CNTNAP2: variants seen among roughly 807,000 people sequenced by gnomAD.
CNTNAP2 encodes contactin-associated protein-like 2.
In CNTNAP2, 98 loss-of-function variants were observed where a neutral mutation model predicts 155.2. That is an observed-to-expected ratio of 0.63 (90% CI 0.54 to 0.75). The LOEUF (loss-of-function observed/expected upper bound fraction) is 0.75. Ranked by LOEUF, CNTNAP2 falls within the 30% of genes least tolerant of loss-of-function variation. CNTNAP2 has a pLI of 0.00. For synonymous variants in CNTNAP2, 651 were observed against 631.2 expected, an observed-to-expected ratio of 1.03 and a Z score of -0.47; for missense variants, 1,727 against 1,688.1, an observed-to-expected ratio of 1.02 and a Z score of -0.40.
Position 148,147,634 on chromosome 7 carries a change from C to A in CNTNAP2, c.2698C>A (p.Arg900=), listed in dbSNP as rs375318010. ...NVKQASLQVD[R]LPQQIRKAPT... is the part of the protein sequence containing the mutation. ...CAAGCAGGCCAGCCTACAGGTGGAC[C>A]GGCTACCGCAGCAGATCCGCAAGGC... Residue 900 remains arginine (R), a synonymous_variant, in exon 17 of 24, where the codon CGG becomes AGG. Coordinates refer to ENST00000361727, the MANE Select transcript of CNTNAP2 (RefSeq NM_014141.6). 1.2e-5 allele frequency: 20 copies of A among 1,614,040 alleles called. No individual in the cohort carries two copies. The highest frequency in any genetic ancestry group is 1.7e-4 in the Middle Eastern group (1 of 6,058).
chr7:146,284,159 A>C (rs1800292717), intron 1 of CNTNAP2, among the ~76,000 whole-genome samples: 2 of 152,188 alleles, frequency 1.3e-5, no homozygotes, highest in South Asian at 4.1e-4. Flanking sequence ...TTTAGAATGG[A>C]AACAATGTGT....
chr7:146,419,784 C>T (rs1332249271), intron 1 of CNTNAP2, among the ~76,000 whole-genome samples: 1 of 152,056 alleles, frequency 6.6e-6, no homozygotes, highest in East Asian at 1.9e-4. Flanking sequence ...TACATTCCTG[C>T]CACCAGGTTG....
chr7:146,518,254 G>GA (rs1198723636), intron 1 of CNTNAP2, among the ~76,000 whole-genome samples: 1 of 151,390 alleles, frequency 6.6e-6, no homozygotes, highest in Non-Finnish European at 1.5e-5. Context: ...GAACAGGCTT[G>GA]AAAAAAATAT....
chr7:146,908,105 C>G (rs960887726), intron 3 of CNTNAP2, among the ~76,000 whole-genome samples: 4 of 152,094 alleles, frequency 2.6e-5, no homozygotes, highest in African/African-American at 4.8e-5. Flanking sequence ...AGCTAACTAT[C>G]CTAAATATAT....
chr7:147,983,680 A>G (rs967301271), intron 15 of CNTNAP2, among the ~76,000 whole-genome samples: 3 of 152,224 alleles, frequency 2.0e-5, no homozygotes, highest in Non-Finnish European at 4.4e-5. Context: ...CTTACAAGTC[A>G]TAGGTGGATT....
chr7:146,721,890 T>TATATATATATATATATATATATA (rs1491454260), intron 1 of CNTNAP2, among the ~76,000 whole-genome samples: 9 of 75,554 alleles, frequency 1.2e-4, no homozygotes, highest in South Asian at 3.3e-4. Flanking sequence ...TATATATATA[T>TATATATATATATATATATATATA]TTTTTTTTTT....
chr7:146,289,555 C>T (rs932353180), intron 1 of CNTNAP2, among the ~76,000 whole-genome samples: 1 of 152,096 alleles, frequency 6.6e-6, no homozygotes, highest in Non-Finnish European at 1.5e-5. Flanking sequence ...TTTCATTATT[C>T]ACCATTGTGG....
rs61529667 is a variant in CNTNAP2 at position 147,315,111 on chromosome 7, CAAA to C, written c.1498+14837_1498+14839del. ...CTTAAGAACCTTCTAGGGTACTTTA[CAAA>C]AAAAAAAAAAAAAAAGTCTTTGGCT... On this transcript the variant is annotated intron_variant, in intron 9 of 23. Coordinates refer to ENST00000361727, the MANE Select transcript of CNTNAP2 (RefSeq NM_014141.6). Among the ~76,000 whole-genome samples, 157 of 107,136 alleles carry C rather than the reference CAAA, an allele frequency of 1.5e-3. 4 individuals are homozygous for C. The highest frequency in any genetic ancestry group is 4.8e-3 in the Middle Eastern group (1 of 210). 70.3% of individuals were successfully genotyped at this position (107,136 alleles called of 152,430 possible).
intron 8 of CNTNAP2, among the ~76,000 whole-genome samples, chr7:147,215,650 A>T (rs897448793): frequency 1.3e-5 from 2 of 152,206 alleles, no homozygotes; most frequent in Non-Finnish European, 2.9e-5. Flanking sequence ...GCTTATAAAC[A>T]TTCTTGTTCA....
intron 1 of CNTNAP2, among the ~76,000 whole-genome samples, chr7:146,586,813 C>T (rs962520578): frequency 2.6e-5 from 4 of 152,120 alleles, no homozygotes; most frequent in African/African-American, 7.2e-5. Context: ...GCATTTGACC[C>T]GGCTGGATCT....
At chr7:146,316,068 A>T (rs2129091559) in intron 1 of CNTNAP2, among the ~76,000 whole-genome samples, 1 of 152,310 alleles carries the variant, frequency 6.6e-6, no homozygotes, top group East Asian at 1.9e-4. Flanking sequence ...ATTTTAGACA[A>T]TGCCTTTTAA....
chr7:146,126,002 C>A (rs542839787), intron 1 of CNTNAP2, among the ~76,000 whole-genome samples: 105 of 152,290 alleles, frequency 6.9e-4, no homozygotes, highest in Admixed American at 2.2e-3. Context: ...TTCTTCCCAG[C>A]CTTTCAAATC....
At chr7:146,345,633 A>T (rs1230991676) in intron 1 of CNTNAP2, among the ~76,000 whole-genome samples, 1 of 152,082 alleles carries the variant, frequency 6.6e-6, no homozygotes, top group South Asian at 2.1e-4. Context: ...ATACCTTAGA[A>T]CCATTCATTT....
At chr7:146,135,638 T>C (rs1797786278) in intron 1 of CNTNAP2, among the ~76,000 whole-genome samples, 1 of 152,124 alleles carries the variant, frequency 6.6e-6, no homozygotes, top group African/African-American at 2.4e-5. Flanking sequence ...AGTGCCTAAC[T>C]AATGTTATTA....
chr7:147,258,753 GT>G, intron 8 of CNTNAP2, among the ~76,000 whole-genome samples: 1 of 152,296 alleles, frequency 6.6e-6, no homozygotes, highest in Middle Eastern at 3.4e-3. Flanking sequence ...TAAACTTGCA[GT>G]TCTTGGTAAC....
At chr7:146,524,163 G>T (rs1047654386) in intron 1 of CNTNAP2, among the ~76,000 whole-genome samples, 1 of 152,090 alleles carries the variant, frequency 6.6e-6, no homozygotes, top group African/African-American at 2.4e-5. Flanking sequence ...TCACTATGTC[G>T]ATGGCCCATA....
chr7:147,484,701 G>A (rs114528600), intron 10 of CNTNAP2, among the ~76,000 whole-genome samples: 7 of 152,326 alleles, frequency 4.6e-5, no homozygotes, highest in African/African-American at 1.7e-4. Context: ...TTTAGGCATG[G>A]CTAGTGGTAA....
intron 9 of CNTNAP2, among the ~76,000 whole-genome samples, chr7:147,365,470 C>G (rs1210225854): frequency 6.7e-6 from 1 of 148,576 alleles, no homozygotes; most frequent in Non-Finnish European, 1.5e-5. Context: ...TATTGTCACA[C>G]ATTATCTTTG....
Position 147,453,590 on chromosome 7 carries a change from G to C in CNTNAP2, c.1671-32345G>C, listed in dbSNP as rs748012172. Among the ~76,000 whole-genome samples, 74 of 152,224 alleles carry C rather than the reference G, an allele frequency of 4.9e-4. No individual in the cohort carries two copies. The Middle Eastern group carries it at 0.01, about 21-fold the overall frequency. On this transcript the variant is annotated intron_variant, in intron 10 of 23. Transcript: ENST00000361727. Reference sequence around the variant, plus strand: ...GCGTTATATTCTACATTTCAAAAGAGAATAAACCTCAATTCAGATTATTTA... The same window carrying C: ...GCGTTATATTCTACATTTCAAAAGACAATAAACCTCAATTCAGATTATTTA...
Sources: allele counts gnomAD v4.1 joint callset (sites outside exome capture counted in the v4.1 genomes callset), GRCh38; gene constraint gnomAD v4.1.1; transcripts MANE v1.5; gene names NCBI Gene and HGNC (gene_info 2026-07-23, HGNC 2026-07-21).